Variants in DLGAP2 observed in about 807,000 individuals in gnomAD.
DLGAP2 encodes disks large-associated protein 2.
Under a neutral mutation model 100.3 loss-of-function variants are expected in DLGAP2, and 26 were observed. The observed-to-expected ratio is 0.26, with a 90% CI of 0.19 to 0.36. The LOEUF is 0.36. Among genes scored for constraint, DLGAP2 ranks in the 10% least tolerant of loss-of-function variants. The pLI is 1.00. For missense variants in DLGAP2, 1,858 were observed against 1,453.2 expected (o/e 1.28, Z -4.53); for synonymous variants, 886 against 630.1 (o/e 1.41, Z -6.08).
At chr8:1,658,050 G>A (rs1261103063) in intron 8 of DLGAP2, among the ~76,000 whole-genome samples, 1 of 152,150 alleles carries the variant, frequency 6.6e-6, no homozygotes, top group Non-Finnish European at 1.5e-5. Flanking sequence ...AGGAGGTGGT[G>A]ATTGGCTTAC....
chr8:962,633 C>T (rs755514218), intron 2 of DLGAP2, among the ~76,000 whole-genome samples: 11 of 152,072 alleles, frequency 7.2e-5, no homozygotes, highest in Non-Finnish European at 1.5e-4. Flanking sequence ...GGAAACCAAC[C>T]CTGTGACAAA....
Position 1,258,863 on chromosome 8 carries a change from C to T in DLGAP2, c.86C>T (p.Thr29Met), listed in dbSNP as rs144873657. Residue 29 changes from threonine (T) to methionine (M), a missense_variant, in exon 3 of 15, where the codon ACG becomes ATG. Coordinates refer to ENST00000637795, the MANE Select transcript of DLGAP2 (RefSeq NM_001346810.2). ...LPDRNTESQC[T>M]LCGEPEEEEA... is the part of the protein sequence containing the mutation. ...TCTCTGTTTTCAGAGTCGCAGTGCA[C>T]GCTCTGCGGGGAGCCGGAAGGTGAG... 13 of 1,231,718 alleles carry T rather than the reference C, an allele frequency of 1.1e-5. No individual in the cohort carries two copies. Among genetic ancestry groups the T allele is most frequent in the South Asian group, 8.2e-5 (2 of 24,314 alleles). The allele number at this position is 1,231,718 out of a possible 1,614,324, so 76.3% of individuals were successfully genotyped here.
intron 4 of DLGAP2, among the ~76,000 whole-genome samples, chr8:1,510,453 C>G (rs2130368713): frequency 6.6e-6 from 1 of 152,288 alleles, no homozygotes; most frequent in East Asian, 1.9e-4. Flanking sequence ...CTGGGCCACT[C>G]CGTGAAAGTG....
intron 1 of DLGAP2, among the ~76,000 whole-genome samples, chr8:835,515 T>C (rs1481359517): frequency 6.6e-6 from 1 of 151,598 alleles, no homozygotes; most frequent in African/African-American, 2.4e-5. Context: ...TCTTGACATT[T>C]CAGGGTTTTG....
At chr8:1,551,902 C>G (rs945039400) in intron 5 of DLGAP2, among the ~76,000 whole-genome samples, 7 of 152,188 alleles carry the variant, frequency 4.6e-5, no homozygotes, top group African/African-American at 1.7e-4. Flanking sequence ...TTATTTGAAT[C>G]AGGATCCAGA....
intron 2 of DLGAP2, among the ~76,000 whole-genome samples, chr8:1,052,451 T>G (rs973836682): frequency 3.9e-5 from 6 of 152,162 alleles, no homozygotes; most frequent in African/African-American, 1.2e-4. Flanking sequence ...ATGGGGAAAT[T>G]TTGCTGTAAG....
At chr8:746,141 C>T (rs1218976925) in intron 1 of DLGAP2, among the ~76,000 whole-genome samples, 3 of 152,244 alleles carry the variant, frequency 2.0e-5, no homozygotes, top group Non-Finnish European at 4.4e-5. Context: ...AGCCTTCCCA[C>T]ATGTGGAGCT....
chr8:1,508,850 G>A (rs1366375356), intron 4 of DLGAP2, among the ~76,000 whole-genome samples: 1 of 151,854 alleles, frequency 6.6e-6, no homozygotes, highest in African/African-American at 2.4e-5. Flanking sequence ...CCGGGGATTC[G>A]TAGGATCTCC....
chr8:1,554,845 G>A (rs916113466), intron 5 of DLGAP2, among the ~76,000 whole-genome samples: 35 of 151,894 alleles, frequency 2.3e-4, no homozygotes, highest in Admixed American at 1.9e-3. Flanking sequence ...GGCTTATGGG[G>A]TGCTTTCAAC....
intron 2 of DLGAP2, among the ~76,000 whole-genome samples, chr8:1,245,454 A>C (rs980757013): frequency 2.0e-5 from 3 of 152,356 alleles, no homozygotes; most frequent in Middle Eastern, 3.4e-3. Flanking sequence ...ACACAGACGA[A>C]CCTCAGAAAC....
rs563671700 is a variant in DLGAP2 at position 926,872 on chromosome 8, C to G, written c.73+18906C>G. 3.0e-4 allele frequency among the ~76,000 whole-genome samples: 46 copies of G among 152,368 alleles called. 1 individual carries two copies. The highest frequency in any genetic ancestry group is 1.1e-3 in the African/African-American group (44 of 41,590). ...GTAATAATCCTGGTGGGGCTCACAG[C>G]ACTGCGTGGCAGGAGCGGAGCGAGC... On this transcript the variant is annotated intron_variant, in intron 2 of 14. Transcript: ENST00000637795.
chr8:1,638,213 C>T lies in DLGAP2; in HGVS notation c.1810+5167C>T, dbSNP rs138072054. Among the ~76,000 whole-genome samples, 1,243 of 152,236 alleles carry T rather than the reference C, an allele frequency of 8.2e-3. 26 individuals are homozygous for T. The highest frequency in any genetic ancestry group is 8.7e-3 in the Non-Finnish European group (589 of 68,014). The stretch of plus-strand genomic sequence containing the variant: ...CGGACTTGGTGCTGAACCCTAATCC[C>T]AGGACCTGAGAATGTGACTGCGTTT... On this transcript the variant is annotated intron_variant, in intron 8 of 14. Transcript: ENST00000637795.
intron 3 of DLGAP2, among the ~76,000 whole-genome samples, chr8:1,367,908 C>T (rs992121400): frequency 2.0e-5 from 3 of 152,174 alleles, no homozygotes; most frequent in East Asian, 1.9e-4. Context: ...GTCAGATACC[C>T]GAACAAGCTC....
intron 2 of DLGAP2, among the ~76,000 whole-genome samples, chr8:1,191,255 C>G (rs902512624): frequency 2.0e-5 from 3 of 147,292 alleles, no homozygotes; most frequent in Admixed American, 6.8e-5. Context: ...CACTGCAGCT[C>G]CACCTCCCGG....
intron 1 of DLGAP2, among the ~76,000 whole-genome samples, chr8:752,747 G>A (rs1412223447): frequency 6.6e-6 from 1 of 152,160 alleles, no homozygotes; most frequent in Non-Finnish European, 1.5e-5. Context: ...CTTGAGGGAT[G>A]CTTGTGACGG....
At chr8:1,676,280 T>A (rs748262392) in intron 10 of DLGAP2, among the ~76,000 whole-genome samples, 17 of 152,218 alleles carry the variant, frequency 1.1e-4, no homozygotes, top group Admixed American at 2.6e-4. Context: ...CAGTTTTATT[T>A]GCATACATTT....
intron 6 of DLGAP2, among the ~76,000 whole-genome samples, chr8:1,566,809 G>C (rs1022272042): frequency 6.6e-6 from 1 of 152,184 alleles, no homozygotes; most frequent in Non-Finnish European, 1.5e-5. Context: ...TGGCTTACAA[G>C]ATGAAAAAGT....
intron 1 of DLGAP2, among the ~76,000 whole-genome samples, chr8:890,155 C>A (rs1798005648): frequency 6.6e-6 from 1 of 152,134 alleles, no homozygotes; most frequent in African/African-American, 2.4e-5. Flanking sequence ...TTGTTTTTTT[C>A]CGATGGGAGC....
intron 3 of DLGAP2, among the ~76,000 whole-genome samples, chr8:1,411,565 G>A (rs576110313): frequency 6.6e-6 from 1 of 152,164 alleles, no homozygotes. Context: ...CAGATTAAAC[G>A]AGGTAACCGA....
Sources: allele counts gnomAD v4.1 joint callset (sites outside exome capture counted in the v4.1 genomes callset), GRCh38; gene constraint gnomAD v4.1.1; transcripts MANE v1.5; gene names NCBI Gene and HGNC (gene_info 2026-07-23, HGNC 2026-07-21).